The following LAMP3 variants were observed in gnomAD, a reference collection of about 807,000 sequenced individuals.
LAMP3 encodes lysosome associated membrane protein 3.
A neutral mutation model predicts 34.8 loss-of-function variants in LAMP3; 26 were observed. That is an observed-to-expected ratio of 0.75 (90% CI 0.55 to 1.04). The LOEUF is 1.04. LAMP3 is among the 50% of genes least tolerant of loss of function. LAMP3 has a pLI of 0.00. For missense variants in LAMP3, 495 were observed against 524.0 expected, an observed-to-expected ratio of 0.94 and a Z score of 0.54; for synonymous variants, 180 against 201.9, an observed-to-expected ratio of 0.89 and a Z score of 0.92.
chr3:183,127,015 G>T (rs1719795458), intron 5 of LAMP3, among the ~76,000 whole-genome samples: 1 of 152,168 alleles, frequency 6.6e-6, no homozygotes, highest in Non-Finnish European at 1.5e-5. Flanking sequence ...ACATTAAGAG[G>T]TTATGAAATA....
chr3:183,163,437 C>A (rs1721043610), upstream of LAMP3, among the ~76,000 whole-genome samples: 1 of 150,440 alleles, frequency 6.6e-6, no homozygotes, highest in African/African-American at 2.5e-5. Context: ...GTTACAGGCG[C>A]CCGCCACCAC....
intron 5 of LAMP3, among the ~76,000 whole-genome samples, chr3:183,129,782 T>A (rs1448557598): frequency 6.6e-6 from 1 of 152,168 alleles, no homozygotes; most frequent in Non-Finnish European, 1.5e-5. Context: ...CTAAATTGTA[T>A]CCCCTCCCTG....
At chr3:183,126,114 A>T (rs553452513) in intron 5 of LAMP3, among the ~76,000 whole-genome samples, 135 of 152,380 alleles carry the variant, frequency 8.9e-4, no homozygotes, top group Non-Finnish European at 1.5e-3. Context: ...AGATATATTC[A>T]TACACTATGC....
intron 5 of LAMP3, among the ~76,000 whole-genome samples, chr3:183,129,496 T>C (rs1324679136): frequency 2.6e-5 from 4 of 152,204 alleles, no homozygotes; most frequent in African/African-American, 9.7e-5. Context: ...CTGTATTACC[T>C]GTAATGATCT....
rs1219209647 is a variant in LAMP3, at chr3:183,135,823, G to A, written c.1011C>T (p.Phe337=). ...GGAGGCTCTGTTCACTCACGCACTT[G>A]AAGGAATGCCCGACTGCTGTCTGGA... ...VMFQTAVGHS[F]KCVSEQSLQL... Residue 337 remains phenylalanine (F), a synonymous_variant, in exon 5 of 6, where the codon TTC becomes TTT. Transcript: ENST00000265598. 6.2e-7 allele frequency: 1 copy of A among 1,613,686 alleles called. No homozygotes were observed. The highest frequency in any genetic ancestry group is 8.5e-7 in the Non-Finnish European group (1 of 1,179,660).
chr3:183,134,526 C>A (rs755907784), intron 5 of LAMP3, among the ~76,000 whole-genome samples: 1 of 152,038 alleles, frequency 6.6e-6, no homozygotes, highest in Non-Finnish European at 1.5e-5. Flanking sequence ...TTTTTCAAAC[C>A]TTCATAATGA....
intron 5 of LAMP3, 97 bp downstream of exon 5, chr3:183,135,620 A>G (rs896642430): frequency 8.7e-7 from 1 of 1,153,664 alleles, no homozygotes; most frequent in East Asian, 2.4e-5. Context: ...AGCTCATGAG[A>G]TGCTTGCTCC....
chr3:183,137,260 A>T (rs1329330665), intron 4 of LAMP3, among the ~76,000 whole-genome samples: 1 of 152,078 alleles, frequency 6.6e-6, no homozygotes, highest in Non-Finnish European at 1.5e-5. Context: ...TGGAGGTTGC[A>T]GTAAGGTGAG....
chr3:183,147,350 G>C (rs142439586), intron 3 of LAMP3, among the ~76,000 whole-genome samples: 1 of 152,068 alleles, frequency 6.6e-6, no homozygotes, highest in African/African-American at 2.4e-5. Flanking sequence ...GATAATCCCC[G>C]GGGCTAGACA....
chr3:183,130,752 G>T (rs774810519), intron 5 of LAMP3, among the ~76,000 whole-genome samples: 4 of 152,090 alleles, frequency 2.6e-5, no homozygotes, highest in Non-Finnish European at 4.4e-5. Flanking sequence ...GTTCACCTCC[G>T]TCTGTCCCTC....
intron 5 of LAMP3, among the ~76,000 whole-genome samples, chr3:183,133,612 TC>T (rs1168410407): frequency 6.6e-6 from 1 of 152,188 alleles, no homozygotes; most frequent in Non-Finnish European, 1.5e-5. Context: ...TGCCTTGGCC[TC>T]CCAAAGTGCT....
intron 1 of LAMP3, among the ~76,000 whole-genome samples, chr3:183,155,490 G>A (rs2075250567): frequency 6.6e-6 from 1 of 152,152 alleles, no homozygotes; most frequent in Non-Finnish European, 1.5e-5. Flanking sequence ...TTTCATGGCA[G>A]CTCCTCAGAG....
At chr3:183,140,112 T>C (rs1463307160) in intron 4 of LAMP3, among the ~76,000 whole-genome samples, 1 of 152,088 alleles carries the variant, frequency 6.6e-6, no homozygotes, top group Non-Finnish European at 1.5e-5. Context: ...GTCTGTTCCT[T>C]AGAAGCAGCA....
rs1719724781 is a variant in LAMP3, at chr3:183,124,010, C to T, written c.*71G>A. Reference sequence around the variant, plus strand: ...AAGGACCCACACTCTGAGGGAATTTCCCAACATCCATCCTGGAAGGGATGA... The same window carrying T: ...AAGGACCCACACTCTGAGGGAATTTTCCAACATCCATCCTGGAAGGGATGA... On this transcript the variant is annotated 3_prime_UTR_variant, in exon 6 of 6. Transcript: ENST00000265598. The T allele has an allele frequency of 2.6e-6, 4 of 1,563,268 alleles. No homozygotes were observed. In the Admixed American group the frequency reaches 5.1e-5, roughly 20 times the overall value.
chr3:183,161,233 T>G (rs1261771981), intron 1 of LAMP3, among the ~76,000 whole-genome samples: 3 of 152,126 alleles, frequency 2.0e-5, no homozygotes, highest in Non-Finnish European at 4.4e-5. Context: ...TCCAGTTCCG[T>G]GCCACCCCTC....
rs1315815929 is a variant in LAMP3, at chr3:183,154,399, T to C, written c.50-8A>G. 1 of 1,583,408 alleles carries C rather than the reference T, an allele frequency of 6.3e-7. No homozygotes were observed. On this transcript the variant is annotated splice_region_variant and splice_polypyrimidine_tract_variant and intron_variant, in intron 1 of 5. Coordinates refer to ENST00000265598, the MANE Select transcript of LAMP3 (RefSeq NM_014398.4). ...TGCCATCGTGCAAAATTACTGAAAATTAGGAAATAAAAGTGTTAAAAACAC... is the reference window on the plus strand; with the variant it reads ...TGCCATCGTGCAAAATTACTGAAAACTAGGAAATAAAAGTGTTAAAAACAC...
intron 4 of LAMP3, among the ~76,000 whole-genome samples, chr3:183,136,863 C>G (rs1345243858): frequency 6.6e-6 from 1 of 151,932 alleles, no homozygotes; most frequent in Non-Finnish European, 1.5e-5. Context: ...ATCATTGAGG[C>G]CAGGCATGGT....
chr3:183,151,988 T>C (rs41265435), intron 3 of LAMP3, among the ~76,000 whole-genome samples: 11,187 of 152,238 alleles, frequency 0.073, 463 homozygotes, highest in East Asian at 0.16. Context: ...AAAGAACCTG[T>C]TCTGACATTT....
At chr3:183,125,371 G>A (rs1207438901) in intron 5 of LAMP3, among the ~76,000 whole-genome samples, 1 of 152,136 alleles carries the variant, frequency 6.6e-6, no homozygotes, top group Non-Finnish European at 1.5e-5. Context: ...AAGACAGAGT[G>A]GCAATTAATT....
Sources: allele counts gnomAD v4.1 joint callset (sites outside exome capture counted in the v4.1 genomes callset), GRCh38; gene constraint gnomAD v4.1.1; transcripts MANE v1.5; gene names NCBI Gene and HGNC (gene_info 2026-07-23, HGNC 2026-07-21).